The following ZFHX3 variants were observed in gnomAD, a reference collection of about 807,000 sequenced individuals.
ZFHX3 encodes the protein zinc finger homeobox 3.
ZFHX3 carries 42 observed loss-of-function variants against 279.1 expected under a neutral mutation model. The ratio of observed to expected loss-of-function variants is 0.15; its 90% CI spans 0.12 to 0.19. ZFHX3 has a LOEUF of 0.19. ZFHX3 is among the 10% of genes least tolerant of loss of function. The probability of loss-of-function intolerance (pLI) is 1.00; values close to 1 mark genes in which losing one functional copy is unlikely to be tolerated. For missense variants in ZFHX3, 4,981 were observed against 4,754.0 expected (o/e 1.05, Z -1.40); for synonymous variants, 2,293 against 1,957.8 (o/e 1.17, Z -4.52).
intron 3 of ZFHX3, among the ~76,000 whole-genome samples, chr16:73,435,396 G>A (rs1473930153): frequency 6.6e-6 from 1 of 152,120 alleles, no homozygotes; most frequent in Non-Finnish European, 1.5e-5. Context: ...TTTTAGTAAA[G>A]ATGGGATTTT....
intron 1 of ZFHX3, among the ~76,000 whole-genome samples, chr16:73,783,647 A>G (rs938896207): frequency 2.6e-5 from 4 of 152,206 alleles, no homozygotes; most frequent in African/African-American, 9.6e-5. Context: ...TTGTTAGTCA[A>G]CTGTAAATCA....
At chr16:73,143,581 CT>C (rs1490662819) in intron 6 of ZFHX3, among the ~76,000 whole-genome samples, 1 of 152,224 alleles carries the variant, frequency 6.6e-6, no homozygotes, top group Non-Finnish European at 1.5e-5. Context: ...CTGCTTATCT[CT>C]TTCTTGAAAC....
At chr16:73,691,480 G>T (rs2053149178) in intron 1 of ZFHX3, among the ~76,000 whole-genome samples, 1 of 152,164 alleles carries the variant, frequency 6.6e-6, no homozygotes. Context: ...GACAAATATG[G>T]ATTTAAATCC....
intron 4 of ZFHX3, chr16:73,294,157 A>C (rs2014845960): frequency 6.6e-6 from 1 of 152,206 alleles, no homozygotes; most frequent in Non-Finnish European, 1.5e-5. Flanking sequence ...GGATATATAC[A>C]GTACTATACA....
intron 7 of ZFHX3, among the ~76,000 whole-genome samples, chr16:73,108,129 C>T (rs2144795673): frequency 6.6e-6 from 1 of 152,082 alleles, no homozygotes; most frequent in African/African-American, 2.4e-5. Flanking sequence ...CCACTGCACT[C>T]CAGCCTGGGC....
intron 3 of ZFHX3, chr16:73,400,024 G>A (rs995235459): frequency 2.0e-5 from 3 of 151,680 alleles, no homozygotes; most frequent in African/African-American, 4.8e-5. Context: ...TATCCTGAGC[G>A]AGGCTTTTCT....
At chr16:73,317,316 G>C (rs2015473873) in intron 4 of ZFHX3, among the ~76,000 whole-genome samples, 1 of 151,982 alleles carries the variant, frequency 6.6e-6, no homozygotes, top group African/African-American at 2.4e-5. Context: ...TTATGGTATT[G>C]TTCTGGCTTC....
rs369464645 is a variant in ZFHX3 at position 73,273,899 on chromosome 16, T to C, written c.-1193-16763A>G. On this transcript the variant is annotated intron_variant, in intron 4 of 17. Transcript: ENST00000641206. ...GGCTCACGCCTGTAATCCCAGCACTTTGGGAGGCCGAGGCGGGTGGATCAC... is the reference window on the plus strand; with the variant it reads ...GGCTCACGCCTGTAATCCCAGCACTCTGGGAGGCCGAGGCGGGTGGATCAC... 1.4e-4 allele frequency among the ~76,000 whole-genome samples: 21 copies of C among 152,298 alleles called. 1 individual carries two copies. The highest frequency in any genetic ancestry group is 1.2e-3 in the South Asian group (6 of 4,822).
intron 3 of ZFHX3, among the ~76,000 whole-genome samples, chr16:73,395,854 C>G (rs942429298): frequency 2.6e-5 from 4 of 152,118 alleles, no homozygotes; most frequent in African/African-American, 9.7e-5. Flanking sequence ...ACCTTAAGTG[C>G]AGATATATAA....
chr16:73,676,819 A>C (rs949463960), intron 2 of ZFHX3, among the ~76,000 whole-genome samples: 1 of 151,988 alleles, frequency 6.6e-6, no homozygotes, highest in African/African-American at 2.4e-5. Context: ...TTTTAATATT[A>C]GTATTAGAGA....
Position 73,492,647 on chromosome 16 carries a change from A to G in ZFHX3, c.-1546-36389T>C, listed in dbSNP as rs1467779717. 3.3e-5 allele frequency among the ~76,000 whole-genome samples: 5 copies of G among 152,208 alleles called. No homozygotes were observed. In the East Asian group the frequency reaches 5.8e-4, roughly 18 times the overall value. On this transcript the variant is annotated intron_variant, in intron 2 of 17. Coordinates refer to the ZFHX3 transcript ENST00000641206. ...GCCTCCCCCTTACAAAGTGGTCTTGAAGGTTAAATATCACATATAAAAATC... is the reference window on the plus strand; with the variant it reads ...GCCTCCCCCTTACAAAGTGGTCTTGGAGGTTAAATATCACATATAAAAATC...
intron 1 of ZFHX3, among the ~76,000 whole-genome samples, chr16:72,999,834 C>A (rs1312732298): frequency 6.6e-6 from 1 of 152,220 alleles, no homozygotes; most frequent in East Asian, 1.9e-4. Flanking sequence ...AGCAGCTGCA[C>A]CTGCCCTATC....
In ZFHX3 at chr16:73,276,264, A is replaced by G. The variant is rs1416205881; in HGVS notation, c.-1193-19128T>C. On this transcript the variant is annotated intron_variant, in intron 4 of 17. Coordinates refer to the ZFHX3 transcript ENST00000641206. ...AATGGTGCGATCTCAGCTCACTGCA[A>G]CCTCCACCTCCCGGGTTCAAGCGAT... is the stretch of plus-strand genomic sequence containing the variant. Among the ~76,000 whole-genome samples the G allele has an allele frequency of 3.4e-5, 5 of 148,508 alleles. No homozygotes were observed. The East Asian group carries it at 9.8e-4, about 29-fold the overall frequency.
intron 3 of ZFHX3, among the ~76,000 whole-genome samples, chr16:72,912,272 G>A (rs1310725488): frequency 6.6e-6 from 1 of 152,166 alleles, no homozygotes; most frequent in Non-Finnish European, 1.5e-5. Context: ...TAATTATCTT[G>A]AAAGGAGAGG....
chr16:73,472,281 A>C (rs942532587), intron 2 of ZFHX3, among the ~76,000 whole-genome samples: 1 of 151,724 alleles, frequency 6.6e-6, no homozygotes, highest in Non-Finnish European at 1.5e-5. Flanking sequence ...AAAAAAAAAA[A>C]AAAAAACAGC....
intron 5 of ZFHX3, chr16:73,232,508 A>G (rs2012808751): frequency 6.6e-6 from 1 of 152,286 alleles, no homozygotes; most frequent in African/African-American, 2.4e-5. Flanking sequence ...CACGGGTGGA[A>G]GAGAAAGAGG....
chr16:73,612,548 C>T (rs2052258201), intron 2 of ZFHX3, among the ~76,000 whole-genome samples: 2 of 152,162 alleles, frequency 1.3e-5, no homozygotes, highest in African/African-American at 4.8e-5. Context: ...AGAAGGAATG[C>T]TTCTGTTTCC....
intron 1 of ZFHX3, among the ~76,000 whole-genome samples, chr16:72,970,101 C>A (rs1962036928): frequency 6.6e-6 from 1 of 152,192 alleles, no homozygotes; most frequent in African/African-American, 2.4e-5. Flanking sequence ...TCCACAACCA[C>A]CATGATATTC....
intron 4 of ZFHX3, among the ~76,000 whole-genome samples, chr16:72,854,130 ATTTCATGCTGATTGCTCTAAGCATGT>A (rs1211421622): frequency 6.6e-6 from 1 of 152,198 alleles, no homozygotes; most frequent in African/African-American, 2.4e-5. Flanking sequence ...GCAATTAAGA[ATTTCATGCTGATTGCTCTAAGCATGT>A]TTTCTATGCC....
Sources: allele counts gnomAD v4.1 joint callset (sites outside exome capture counted in the v4.1 genomes callset), GRCh38; gene constraint gnomAD v4.1.1; transcripts MANE v1.5; gene names NCBI Gene and HGNC (gene_info 2026-07-23, HGNC 2026-07-21).